Variants in HTR2A observed in about 807,000 individuals in gnomAD.
HTR2A encodes 5-HT2 receptor.
Under a neutral mutation model 31.0 loss-of-function variants are expected in HTR2A, and 14 were observed. That is an observed-to-expected ratio of 0.45 (90% CI 0.30 to 0.71). The LOEUF (loss-of-function observed/expected upper bound fraction) is 0.71. Ranked by LOEUF, HTR2A falls within the 30% of genes least tolerant of loss-of-function variation. The pLI, the probability that HTR2A is intolerant of heterozygous loss-of-function variation, is 0.09. For missense variants in HTR2A, 442 were observed against 573.3 expected (o/e 0.77, Z 2.34); for synonymous variants, 209 against 225.2 (o/e 0.93, Z 0.64).
chr13:46,841,029 C>A (rs1287704105), intron 3 of HTR2A, among the ~76,000 whole-genome samples: 1 of 152,086 alleles, frequency 6.6e-6, no homozygotes, highest in Non-Finnish European at 1.5e-5. Flanking sequence ...AGAGTTCTCA[C>A]GAGATCTGAT....
intron 3 of HTR2A, among the ~76,000 whole-genome samples, chr13:46,841,267 C>T (rs558463942): frequency 1.7e-4 from 26 of 152,210 alleles, no homozygotes; most frequent in African/African-American, 6.0e-4. Flanking sequence ...ATGTACAGCA[C>T]AAACTCTCTC....
chr13:46,887,419 T>C (rs1375616692), intron 3 of HTR2A, among the ~76,000 whole-genome samples: 5 of 22,764 alleles, frequency 2.2e-4, no homozygotes. Flanking sequence ...TGAGACTCTG[T>C]CTCAAAAAAA....
chr13:46,858,056 G>A (rs1950752314), intron 3 of HTR2A, among the ~76,000 whole-genome samples: 1 of 152,186 alleles, frequency 6.6e-6, no homozygotes, highest in Non-Finnish European at 1.5e-5. Flanking sequence ...TCCTAAGACA[G>A]TGGCAGGGAG....
chr13:46,881,221 G>C (rs1055332635), intron 3 of HTR2A, among the ~76,000 whole-genome samples: 1 of 152,186 alleles, frequency 6.6e-6, no homozygotes, highest in African/African-American at 2.4e-5. Flanking sequence ...AGGAGGGGAA[G>C]GGTCACTGCA....
chr13:46,835,396 T>C lies in HTR2A; in HGVS notation c.857A>G (p.Gln286Arg), dbSNP rs1876412955. 3.1e-6 allele frequency: 5 copies of C among 1,614,046 alleles called. No individual in the cohort carries two copies. Among genetic ancestry groups the C allele is most frequent in the Non-Finnish European group, 4.2e-6 (5 of 1,179,984 alleles). The change falls in exon 4 of 4, where the codon CAG (glutamine) becomes CGG (arginine). Residue 286 changes from glutamine (Q) to arginine (R), a missense_variant. Physicochemically the swap from Gln to Arg is conservative, Grantham distance 43. Coordinates refer to ENST00000542664, the MANE Select transcript of HTR2A (RefSeq NM_000621.5). The stretch of plus-strand genomic sequence containing the variant: ...GAGCTTTTCTGAAGACAAAGAACTC[T>C]GAGGGAGGAAGCTGAAAGAAGCTAA... ...AKLASFSFLP[Q>R]SSLSSEKLFQ... is the part of the protein sequence containing the mutation.
rs1053435740 is a variant in HTR2A, at chr13:46,850,834, T to C, written c.614-15195A>G. On this transcript the variant is annotated intron_variant, in intron 3 of 3. Coordinates refer to ENST00000542664, the MANE Select transcript of HTR2A (RefSeq NM_000621.5). ...CCAGTTATGTTTTACTGCAAGTCTT[T>C]AATGCACAATGCCAAGATCAACATT... Among the ~76,000 whole-genome samples the C allele has an allele frequency of 7.2e-5, 11 of 152,248 alleles. No homozygotes were observed. The East Asian group carries it at 9.6e-4, about 13-fold the overall frequency.
intron 2 of HTR2A, 32 bp from the exon 3 acceptor site, chr13:46,892,622 A>G (rs758065048): frequency 3.8e-6 from 6 of 1,588,870 alleles, no homozygotes; most frequent in South Asian, 2.2e-5. Context: ...TCAGTGAGCA[A>G]CCCTGTGCCT....
At chr13:46,857,039 C>T (rs761277851) in intron 3 of HTR2A, among the ~76,000 whole-genome samples, 32 of 152,016 alleles carry the variant, frequency 2.1e-4, no homozygotes, top group African/African-American at 3.9e-4. Context: ...CGGTGGCTCA[C>T]GACTGTAATC....
intron 3 of HTR2A, among the ~76,000 whole-genome samples, chr13:46,879,257 A>T (rs964621973): frequency 6.6e-6 from 1 of 152,186 alleles, no homozygotes; most frequent in African/African-American, 2.4e-5. Context: ...ATGAAGGATA[A>T]CTTCACTTTG....
At chr13:46,890,593 G>A (rs180974826) in intron 3 of HTR2A, among the ~76,000 whole-genome samples, 57 of 152,130 alleles carry the variant, frequency 3.7e-4, no homozygotes, top group Non-Finnish European at 7.8e-4. Flanking sequence ...TACTGGGTCC[G>A]TACTCAGTGC....
chr13:46,883,111 A>G (rs1246563700), intron 3 of HTR2A, among the ~76,000 whole-genome samples: 1 of 152,246 alleles, frequency 6.6e-6, no homozygotes, highest in Non-Finnish European at 1.5e-5. Context: ...AAAACATAAC[A>G]TGAAGCGATG....
intron 2 of HTR2A, among the ~76,000 whole-genome samples, chr13:46,894,027 C>T (rs964829680): frequency 1.3e-5 from 2 of 152,268 alleles, no homozygotes; most frequent in African/African-American, 2.4e-5. Context: ...CACGCTCTGT[C>T]TGTTCGGAAC....
At position 46,892,493 on chromosome 13, in the gene HTR2A, C is replaced by T. The variant is rs746513298; in HGVS notation, c.510G>A (p.Ser170=). 12 of 1,614,048 alleles carry T rather than the reference C, an allele frequency of 7.4e-6. No individual in the cohort carries two copies. Among genetic ancestry groups the T allele is most frequent in the Middle Eastern group, 1.6e-4 (1 of 6,084 alleles). The stretch of plus-strand genomic sequence containing the variant: ...TCTGGATGGCGACGTAGCGGTCCAG[C>T]GAGATGGCGCAGAGGTGCATGATGG... ...TASIMHLCAI[S]LDRYVAIQNP... Residue 170 remains serine (S), a synonymous_variant, in exon 3 of 4, where the codon TCG becomes TCA. Transcript: ENST00000542664.
At chr13:46,860,710 C>T (rs1329153478) in intron 3 of HTR2A, among the ~76,000 whole-genome samples, 15 of 152,122 alleles carry the variant, frequency 9.9e-5, no homozygotes, top group Admixed American at 5.2e-4. Context: ...CAGTTACCCC[C>T]GATTTATCAA....
intron 3 of HTR2A, among the ~76,000 whole-genome samples, chr13:46,855,280 G>T (rs1186725949): frequency 6.6e-6 from 1 of 152,204 alleles, no homozygotes; most frequent in Non-Finnish European, 1.5e-5. Context: ...CAGGAGAAGT[G>T]ATACTATAGA....
At chr13:46,869,897 G>T (rs1489128928) in intron 3 of HTR2A, among the ~76,000 whole-genome samples, 1 of 152,104 alleles carries the variant, frequency 6.6e-6, no homozygotes, top group East Asian at 1.9e-4. Context: ...AGGGAGTTGG[G>T]TTGGAAGGAG....
intron 3 of HTR2A, among the ~76,000 whole-genome samples, chr13:46,887,016 A>G (rs1386757204): frequency 6.6e-6 from 1 of 152,200 alleles, no homozygotes; most frequent in Non-Finnish European, 1.5e-5. Context: ...ATTAAGGGGA[A>G]CTGTGCTTAC....
At chr13:46,891,768 A>C (rs1327018506) in intron 3 of HTR2A, among the ~76,000 whole-genome samples, 2 of 152,204 alleles carry the variant, frequency 1.3e-5, no homozygotes, top group African/African-American at 4.8e-5. Flanking sequence ...TCTGACTATT[A>C]GGTGTGTGAC....
At chr13:46,861,267 G>A (rs1468973504) in intron 3 of HTR2A, among the ~76,000 whole-genome samples, 1 of 152,170 alleles carries the variant, frequency 6.6e-6, no homozygotes, top group African/African-American at 2.4e-5. Flanking sequence ...GTAAACTTGG[G>A]CTGACGTGCA....
Sources: allele counts gnomAD v4.1 joint callset (sites outside exome capture counted in the v4.1 genomes callset), GRCh38; gene constraint gnomAD v4.1.1; transcripts MANE v1.5; gene names NCBI Gene and HGNC (gene_info 2026-07-23, HGNC 2026-07-21).